The following IMMP2L variants were observed in gnomAD, a reference collection of about 807,000 sequenced individuals.
The protein encoded by IMMP2L is inner mitochondrial membrane peptidase subunit 2, also known as mitochondrial inner membrane protease subunit 2.
Under a neutral mutation model 19.3 loss-of-function variants are expected in IMMP2L, and 18 were observed. The ratio of observed to expected loss-of-function variants is 0.93; its 90% CI spans 0.64 to 1.38. IMMP2L has a LOEUF of 1.38. IMMP2L is among the 40% of genes most tolerant of loss of function. IMMP2L has a pLI of 0.00. For missense variants in IMMP2L, 233 were observed against 218.2 expected (o/e 1.07, Z -0.43); for synonymous variants, 76 against 73.0 (o/e 1.04, Z -0.21).
intron 5 of IMMP2L, among the ~76,000 whole-genome samples, chr7:110,686,104 C>G (rs1793090819): frequency 6.6e-6 from 1 of 152,114 alleles, no homozygotes; most frequent in Admixed American, 6.6e-5. Context: ...TGTGACAGAA[C>G]TGCATTCTTA....
intron 5 of IMMP2L, among the ~76,000 whole-genome samples, chr7:110,837,466 A>G (rs1804612600): frequency 6.6e-6 from 1 of 152,080 alleles, no homozygotes; most frequent in Non-Finnish European, 1.5e-5. Context: ...TCTTCATATT[A>G]AAATAAAGAA....
intron 3 of IMMP2L, among the ~76,000 whole-genome samples, chr7:111,282,829 C>A (rs1820048077): frequency 6.6e-6 from 1 of 152,112 alleles, no homozygotes; most frequent in Non-Finnish European, 1.5e-5. Flanking sequence ...TATGATTCAC[C>A]CCCTCGGCCT....
At chr7:111,522,179 G>A (rs1313124908) in intron 1 of IMMP2L, among the ~76,000 whole-genome samples, 1 of 152,044 alleles carries the variant, frequency 6.6e-6, no homozygotes, top group Non-Finnish European at 1.5e-5. Context: ...TGTTTGTGGT[G>A]GCAGTGTTGG....
intron 3 of IMMP2L, among the ~76,000 whole-genome samples, chr7:111,101,892 G>A (rs1216043920): frequency 1.3e-5 from 2 of 151,428 alleles, no homozygotes; most frequent in Non-Finnish European, 3.0e-5. Flanking sequence ...GGTGATATCT[G>A]TAGAGTACTA....
intron 3 of IMMP2L, among the ~76,000 whole-genome samples, chr7:111,250,108 A>G (rs1356809882): frequency 6.6e-6 from 1 of 152,168 alleles, no homozygotes; most frequent in Non-Finnish European, 1.5e-5. Flanking sequence ...CCTATACACC[A>G]ACAACAGAAA....
At chr7:111,382,920 C>T (rs934498438) in intron 3 of IMMP2L, among the ~76,000 whole-genome samples, 2 of 152,016 alleles carry the variant, frequency 1.3e-5, no homozygotes, top group Admixed American at 1.3e-4. Flanking sequence ...TCCATACTTC[C>T]AAGGATTTAA....
At chr7:111,243,734 T>G (rs1166926995) in intron 3 of IMMP2L, among the ~76,000 whole-genome samples, 1 of 91,518 alleles carries the variant, frequency 1.1e-5, no homozygotes, top group East Asian at 3.3e-4. Context: ...ATCTCATTGT[T>G]CAATTCCCAC....
chr7:111,482,830 G>A (rs1399787960), intron 3 of IMMP2L, among the ~76,000 whole-genome samples: 2 of 152,004 alleles, frequency 1.3e-5, no homozygotes, highest in South Asian at 2.1e-4. Context: ...AAGAGAGTCT[G>A]GCATCAAACA....
intron 4 of IMMP2L, among the ~76,000 whole-genome samples, chr7:110,918,234 A>T (rs1226223132): frequency 1.3e-5 from 2 of 152,152 alleles, no homozygotes; most frequent in South Asian, 4.1e-4. Context: ...GGAGCTATAA[A>T]TTCTTATTTG....
chr7:111,269,846 G>A (rs1374344069), intron 3 of IMMP2L, among the ~76,000 whole-genome samples: 1 of 152,142 alleles, frequency 6.6e-6, no homozygotes, highest in South Asian at 2.1e-4. Context: ...AATTTTCCTG[G>A]AGTTGCACCA....
intron 3 of IMMP2L, among the ~76,000 whole-genome samples, chr7:110,975,082 A>G (rs1820548643): frequency 6.6e-6 from 1 of 152,142 alleles, no homozygotes; most frequent in Non-Finnish European, 1.5e-5. Flanking sequence ...AAGCCTATCT[A>G]TTCATAGTTA....
At chr7:111,093,157 TTC>T (rs1291668516) in intron 3 of IMMP2L, among the ~76,000 whole-genome samples, 2 of 152,210 alleles carry the variant, frequency 1.3e-5, no homozygotes, top group African/African-American at 4.8e-5. Context: ...GGCTTCGATT[TTC>T]TCTCTGTAAG....
chr7:111,213,633 C>G lies in IMMP2L; in HGVS notation c.240-250068G>C, dbSNP rs187109919. 3.3e-5 allele frequency among the ~76,000 whole-genome samples: 5 copies of G among 152,146 alleles called. No individual in the cohort carries two copies. Among genetic ancestry groups the G allele is most frequent in the Non-Finnish European group, 5.9e-5 (4 of 68,024 alleles). ...GAGGCCCACAAGAACCCCAGACTCA[C>G]CCAGACTCAAGAAATCGATGGAACC... On this transcript the variant is annotated intron_variant, in intron 3 of 5. Coordinates refer to ENST00000405709, the MANE Select transcript of IMMP2L (RefSeq NM_032549.4). The surrounding 1 kb of genome is among the most constrained non-coding windows in gnomAD (Gnocchi z 4.8).
At chr7:111,098,262 A>T (rs1222954990) in intron 3 of IMMP2L, among the ~76,000 whole-genome samples, 1 of 151,746 alleles carries the variant, frequency 6.6e-6, no homozygotes, top group East Asian at 1.9e-4. Flanking sequence ...TTACTCACGT[A>T]TTTTTTACAC....
At chr7:110,706,995 T>TTTA (rs1323638955) in intron 5 of IMMP2L, among the ~76,000 whole-genome samples, 2 of 53,032 alleles carry the variant, frequency 3.8e-5, no homozygotes, top group Non-Finnish European at 8.0e-5. Flanking sequence ...ACTTAAATTT[T>TTTA]TTTTTTTAAT....
chr7:110,833,732 C>G (rs1804181336), intron 5 of IMMP2L, among the ~76,000 whole-genome samples: 1 of 151,986 alleles, frequency 6.6e-6, no homozygotes, highest in Admixed American at 6.6e-5. Context: ...GATAAATTTC[C>G]CCTGTATTTC....
chr7:111,373,801 T>A (rs1336548784), intron 3 of IMMP2L, among the ~76,000 whole-genome samples: 1 of 152,022 alleles, frequency 6.6e-6, no homozygotes, highest in Non-Finnish European at 1.5e-5. Flanking sequence ...TCCCACTCAC[T>A]CTGTCCCCAA....
At chr7:110,827,450 G>A (rs755132701) in intron 5 of IMMP2L, among the ~76,000 whole-genome samples, 1 of 152,144 alleles carries the variant, frequency 6.6e-6, no homozygotes, top group Non-Finnish European at 1.5e-5. Context: ...CAAGCATTAG[G>A]TTGCTTCTAT....
intron 3 of IMMP2L, chr7:111,392,123 G>C: frequency 1.6e-6 from 1 of 625,426 alleles, no homozygotes; most frequent in Non-Finnish European, 2.9e-6. Flanking sequence ...GACCCAAGGA[G>C]GACCTCAGAC....
Sources: gnomAD v4.1 joint callset for allele counts (sites outside exome capture counted in the v4.1 genomes callset) on GRCh38, gnomAD v4.1.1 for gene constraint, Gnocchi (gnomAD v3.1) non-coding constraint, MANE v1.5 for transcripts, NCBI Gene and HGNC (gene_info 2026-07-23, HGNC 2026-07-21) for gene names.